The following SUN1 variants were observed in gnomAD, a reference collection of about 807,000 sequenced individuals.
SUN1 encodes the protein Sad1 and UNC84 domain containing 1.
In SUN1, 61 loss-of-function variants were observed where a neutral mutation model predicts 103.2. The observed-to-expected ratio is 0.59, with a 90% CI of 0.48 to 0.73. The LOEUF is 0.73. SUN1 is among the 30% of genes least tolerant of loss of function. The pLI is 0.00. For synonymous variants in SUN1, 490 were observed against 425.7 expected, an observed-to-expected ratio of 1.15 and a Z score of -1.86; for missense variants, 1,052 against 1,034.6, an observed-to-expected ratio of 1.02 and a Z score of -0.23.
rs199966268 is a variant in SUN1, at chr7:860,304, C to T, written c.1701C>T (p.Ser567=). 1.1e-5 allele frequency: 18 copies of T among 1,614,236 alleles called. No homozygotes were observed. The highest frequency in any genetic ancestry group is 6.7e-5 in the Admixed American group (4 of 60,028). The change falls in exon 14 of 19, where the codon TCC becomes TCT. Residue 567 remains serine (S), a synonymous_variant. Transcript: ENST00000401592. ...TGCGGAACGTCACCCACCACGTTTC[C>T]GTGACCAAGCAGCTCCCAACCTCAG... is the stretch of plus-strand genomic sequence containing the variant. ...QILRNVTHHV[S]VTKQLPTSEA...
chr7:847,131 A>C (rs192834342), intron 5 of SUN1, among the ~76,000 whole-genome samples: 12 of 152,350 alleles, frequency 7.9e-5, no homozygotes, highest in African/African-American at 2.9e-4. Context: ...TGAATGTCGT[A>C]GTGTATGTGT....
intron 1 of SUN1, among the ~76,000 whole-genome samples, chr7:838,153 C>T (rs1015206740): frequency 3.3e-5 from 5 of 152,222 alleles, no homozygotes; most frequent in Non-Finnish European, 7.3e-5. Flanking sequence ...CCCAGGCTCA[C>T]GCAATCCTCC....
intron 16 of SUN1, among the ~76,000 whole-genome samples, chr7:867,662 G>C (rs978802516): frequency 6.6e-6 from 1 of 152,198 alleles, no homozygotes; most frequent in Non-Finnish European, 1.5e-5. Flanking sequence ...ACCAATCACT[G>C]TGCTGGGACT....
rs189984990 is a variant in SUN1, at chr7:869,712, A to G, written c.2148+196A>G. On this transcript the variant is annotated intron_variant, in intron 17 of 18. Coordinates refer to ENST00000401592, the MANE Select transcript of SUN1 (RefSeq NM_001130965.3). ...AGAAATGGCATATTACCTGATGTCC[A>G]TTTTACATACAGTACTACACTGACC... Among the ~76,000 whole-genome samples the G allele has an allele frequency of 2.5e-4, 38 of 152,258 alleles. 1 individual carries two copies. The East Asian group carries it at 7.1e-3, about 29-fold the overall frequency.
intron 1 of SUN1, among the ~76,000 whole-genome samples, chr7:825,079 G>A (rs1479847034): frequency 6.7e-6 from 1 of 149,946 alleles, no homozygotes; most frequent in Non-Finnish European, 1.5e-5. Flanking sequence ...TTTTTTTTTA[G>A]GCGGAGTCTT....
In SUN1 at chr7:860,364, G is replaced by A. The variant is rs748348070; in HGVS notation, c.1761G>A (p.Ala587=). Residue 587 remains alanine, a synonymous_variant, in exon 14 of 19, where the codon GCG becomes GCA. Transcript: ENST00000401592. ...TGTCTGCTGTGAGCGAGGCGGGGGC[G>A]TCTGGAATAACAGAGGCGGTGAGTC... ...AVVSAVSEAG[A]SGITEAQARA... The A allele has an allele frequency of 5.0e-6, 8 of 1,613,774 alleles. No homozygotes were observed. The highest frequency in any genetic ancestry group is 3.3e-5 in the South Asian group (3 of 91,072).
At chr7:821,901 T>C (rs1338905393) in intron 1 of SUN1, among the ~76,000 whole-genome samples, 1 of 152,206 alleles carries the variant, frequency 6.6e-6, no homozygotes, top group Non-Finnish European at 1.5e-5. Context: ...GCCTCACCTT[T>C]CCCTGTGCGT....
chr7:855,938 C>T (rs1218153004), intron 11 of SUN1, among the ~76,000 whole-genome samples: 1 of 152,224 alleles, frequency 6.6e-6, no homozygotes, highest in Non-Finnish European at 1.5e-5. Context: ...CTGTGGAGAC[C>T]TCCATGGAGT....
intron 15 of SUN1, among the ~76,000 whole-genome samples, chr7:861,719 A>G (rs1832384886): frequency 6.6e-6 from 1 of 152,172 alleles, no homozygotes. Context: ...ACAGCACAGA[A>G]AGTGTGCTCG....
At chr7:844,714 C>A (rs373424486) in intron 5 of SUN1, among the ~76,000 whole-genome samples, 1 of 152,214 alleles carries the variant, frequency 6.6e-6, no homozygotes, top group Non-Finnish European at 1.5e-5. Flanking sequence ...GGACCAGCAC[C>A]GCTGAGCGGC....
rs372579359 is a variant in SUN1 at position 848,144 on chromosome 7, G to A, written c.659-3240G>A. On this transcript the variant is annotated intron_variant, in intron 5 of 18. Coordinates refer to ENST00000401592, the MANE Select transcript of SUN1 (RefSeq NM_001130965.3). ...CCCCTGGGGGTTACTCCGCAGTCCA[G>A]TCTCCAGGATCCCCTGGGGGTTACT... 2.3e-4 allele frequency among the ~76,000 whole-genome samples: 13 copies of A among 56,848 alleles called. No homozygotes were observed. In the South Asian group the frequency reaches 7.4e-3, roughly 32 times the overall value. The allele number at this position is 56,848 out of a possible 152,430, so 37.3% of individuals were successfully genotyped here. A position where few individuals can be genotyped will look rare whatever the true frequency, so the allele number is the denominator to read the frequency against.
chr7:830,740 T>G (rs912126317), upstream of SUN1, among the ~76,000 whole-genome samples: 1 of 152,204 alleles, frequency 6.6e-6, no homozygotes, highest in African/African-American at 2.4e-5. Context: ...ATAGAACTAC[T>G]GAGTTAGCCC....
At chr7:846,978 T>C (rs1041145144) in intron 5 of SUN1, among the ~76,000 whole-genome samples, 2 of 152,176 alleles carry the variant, frequency 1.3e-5, no homozygotes, top group Non-Finnish European at 2.9e-5. Context: ...ATGCCCCTGC[T>C]AGGCCACAGA....
At chr7:836,035 G>A (rs368465310) in intron 1 of SUN1, among the ~76,000 whole-genome samples, 1 of 152,268 alleles carries the variant, frequency 6.6e-6, no homozygotes, top group African/African-American at 2.4e-5. Flanking sequence ...GGCAGAAGCC[G>A]CTTCAGAGCC....
Position 857,907 on chromosome 7 carries a change from T to C in SUN1, c.1474T>C (p.Trp492Arg). The C allele has an allele frequency of 6.2e-7, 1 of 1,603,080 alleles. No homozygotes were observed. Among genetic ancestry groups the C allele is most frequent in the Non-Finnish European group, 8.5e-7 (1 of 1,171,098 alleles). The change falls in exon 13 of 19, where the codon TGG (tryptophan) becomes CGG (arginine). Residue 492 changes from tryptophan to arginine, a missense_variant. By Grantham distance (101) the Trp-to-Arg change is moderately radical. Around this residue, in one of 2 missense-constraint regions of SUN1, gnomAD observed 846 missense variants for 774.5 expected, o/e 1.09. Transcript: ENST00000401592. The stretch of plus-strand genomic sequence containing the variant: ...TCAGCTAAAGTCAGAGCTGTCCAGC[T>C]GGCGACACGTGAAGACCGGCTGTGA... ...LDQLKSELSS[W>R]RHVKTGCETV...
intron 5 of SUN1, among the ~76,000 whole-genome samples, chr7:846,943 T>C (rs980603076): frequency 6.6e-6 from 1 of 151,788 alleles, no homozygotes; most frequent in Non-Finnish European, 1.5e-5. Flanking sequence ...AGGCCCAGAG[T>C]TGAAGGCTGC....
intron 16 of SUN1, among the ~76,000 whole-genome samples, chr7:868,046 C>T (rs1169261674): frequency 2.6e-5 from 4 of 152,226 alleles, no homozygotes; most frequent in Non-Finnish European, 4.4e-5. Flanking sequence ...GTCTTCACAG[C>T]GCGGTAGAAG....
chr7:873,185 A>G (rs1333023322), intron 18 of SUN1, 30 bp from the exon 19 acceptor site: 1 of 1,591,696 alleles, frequency 6.3e-7, no homozygotes, highest in Non-Finnish European at 8.6e-7. Flanking sequence ...TATGAAATAC[A>G]TGTGTGTGTT....
intron 11 of SUN1, among the ~76,000 whole-genome samples, chr7:855,870 G>A (rs1584968469): frequency 6.6e-6 from 1 of 152,244 alleles, no homozygotes; most frequent in Admixed American, 6.5e-5. Context: ...CTCCTCCTGT[G>A]TCCGCCCGAG....
Sources: gnomAD v4.1 joint callset for allele counts (sites outside exome capture counted in the v4.1 genomes callset) on GRCh38, gnomAD v4.1.1 for gene constraint, gnomAD v4.1.1 regional missense constraint, MANE v1.5 for transcripts, NCBI Gene and HGNC (gene_info 2026-07-23, HGNC 2026-07-21) for gene names.